The following LEKR1 variants were observed in gnomAD, a reference collection of about 807,000 sequenced individuals.
LEKR1 encodes leucine, glutamate and lysine rich 1.
LEKR1 carries 59 observed loss-of-function variants against 72.4 expected under a neutral mutation model. The ratio of observed to expected loss-of-function variants is 0.82; its 90% CI spans 0.66 to 1.01. The LOEUF is 1.01. LEKR1 is among the 50% of genes least tolerant of loss of function. The pLI is 0.00. For missense variants in LEKR1, 728 were observed against 759.2 expected (o/e 0.96, Z 0.48); for synonymous variants, 257 against 263.2 (o/e 0.98, Z 0.23).
intron 9 of LEKR1, among the ~76,000 whole-genome samples, chr3:157,008,151 A>T (rs905733362): frequency 6.6e-6 from 1 of 152,206 alleles, no homozygotes; most frequent in Non-Finnish European, 1.5e-5. Context: ...TCACACGTTA[A>T]TAGATCTCCC....
intron 2 of LEKR1, among the ~76,000 whole-genome samples, chr3:156,847,007 G>C (rs1006262230): frequency 6.6e-6 from 1 of 151,948 alleles, no homozygotes; most frequent in African/African-American, 2.4e-5. Flanking sequence ...GTAGAAATAA[G>C]GTCTCACCGT....
intron 9 of LEKR1, among the ~76,000 whole-genome samples, chr3:157,004,182 G>T (rs1732230197): frequency 1.3e-5 from 2 of 152,020 alleles, no homozygotes; most frequent in African/African-American, 4.8e-5. Context: ...AAGCTGTAAT[G>T]GCTTTACAAA....
chr3:156,860,790 T>C (rs918669618), intron 3 of LEKR1, among the ~76,000 whole-genome samples: 13 of 152,110 alleles, frequency 8.5e-5, no homozygotes. Flanking sequence ...GAAGAAAGGG[T>C]ATGGGCAGCT....
At chr3:156,999,705 G>A (rs1335169347) in intron 9 of LEKR1, among the ~76,000 whole-genome samples, 4 of 152,128 alleles carry the variant, frequency 2.6e-5, no homozygotes, top group Admixed American at 2.0e-4. Context: ...TCCCTCAGAC[G>A]GAGGGAGCGC....
At chr3:156,993,768 G>T (rs1731327430) in intron 9 of LEKR1, among the ~76,000 whole-genome samples, 4 of 152,178 alleles carry the variant, frequency 2.6e-5, no homozygotes, top group Non-Finnish European at 5.9e-5. Flanking sequence ...AGGATACTAA[G>T]AAGTACATTG....
chr3:156,933,834 C>G (rs1363223208), intron 5 of LEKR1, among the ~76,000 whole-genome samples: 2 of 152,112 alleles, frequency 1.3e-5, no homozygotes, highest in Non-Finnish European at 2.9e-5. Context: ...AAATAACAAA[C>G]AAGGAGACAC....
chr3:156,928,942 A>G (rs1724968309), intron 5 of LEKR1, among the ~76,000 whole-genome samples: 1 of 152,098 alleles, frequency 6.6e-6, no homozygotes. Context: ...TTCAGTATAC[A>G]ATCCAAAATT....
intron 2 of LEKR1, among the ~76,000 whole-genome samples, chr3:156,848,634 A>G (rs1355148894): frequency 6.6e-6 from 1 of 152,214 alleles, no homozygotes; most frequent in Non-Finnish European, 1.5e-5. Flanking sequence ...TAATTTAATG[A>G]TCAGATTAAG....
At chr3:156,975,131 A>C (rs1268418466) in intron 6 of LEKR1, among the ~76,000 whole-genome samples, 1 of 152,198 alleles carries the variant, frequency 6.6e-6, no homozygotes, top group Non-Finnish European at 1.5e-5. Context: ...AACTGGAGTT[A>C]ACAGTTAACA....
At chr3:156,997,111 G>A (rs1731643952) in intron 9 of LEKR1, among the ~76,000 whole-genome samples, 4 of 149,678 alleles carry the variant, frequency 2.7e-5, no homozygotes, top group Admixed American at 2.7e-4. Flanking sequence ...GCCTTCAGAA[G>A]CTTTTGACAT....
At chr3:156,877,070 T>C (rs1266341961) in intron 3 of LEKR1, among the ~76,000 whole-genome samples, 2 of 152,170 alleles carry the variant, frequency 1.3e-5, no homozygotes, top group African/African-American at 2.4e-5. Flanking sequence ...TCTGCACCTA[T>C]TGAGATGATC....
Position 156,852,967 on chromosome 3 carries a change from A to C in LEKR1, c.248A>C (p.Lys83Thr). 6.5e-7 allele frequency: 1 copy of C among 1,533,366 alleles called. No individual in the cohort carries two copies. Among genetic ancestry groups the C allele is most frequent in the Non-Finnish European group, 8.7e-7 (1 of 1,144,188 alleles). The allele number at this position is 1,533,366 out of a possible 1,614,324, so 95.0% of individuals were successfully genotyped here. A position where few individuals can be genotyped will look rare whatever the true frequency, so the allele number is the denominator to read the frequency against. ...CTTGAACAGTACAAAATTGACAACAAATCCAAAACAGAAAGGTTGAGTATG... is the reference window on the plus strand; with the variant it reads ...CTTGAACAGTACAAAATTGACAACACATCCAAAACAGAAAGGTTGAGTATG... ...QELEQYKIDN[K>T]SKTERIYDVG... Residue 83 changes from lysine to threonine, a missense_variant, in exon 3 of 13, where the codon AAA (lysine) becomes ACA (threonine). Lys to Thr is a moderately conservative substitution (Grantham distance 78). Transcript: ENST00000356539.
At chr3:157,001,420 G>C (rs948610004) in intron 9 of LEKR1, among the ~76,000 whole-genome samples, 1 of 152,114 alleles carries the variant, frequency 6.6e-6, no homozygotes, top group Non-Finnish European at 1.5e-5. Context: ...AACAACTTGT[G>C]AAACAGAATT....
intron 10 of LEKR1, among the ~76,000 whole-genome samples, chr3:157,020,456 G>T (rs966494084): frequency 8.9e-6 from 1 of 112,738 alleles, no homozygotes; most frequent in African/African-American, 3.5e-5. Context: ...AGTCCCCAGA[G>T]TGTGATGTTC....
chr3:156,957,263 T>G (rs1036239662), intron 6 of LEKR1, among the ~76,000 whole-genome samples: 2 of 152,018 alleles, frequency 1.3e-5, no homozygotes, highest in African/African-American at 4.8e-5. Flanking sequence ...CATAGAAACA[T>G]GCTTATGATT....
chr3:156,850,147 A>G lies in LEKR1; in HGVS notation c.49-2621A>G, dbSNP rs928282466. ...AGAAGACATTTATGCAGCCAAAAAAACACGTGAAAAAATGCTCATCATCAC... is the reference window on the plus strand; with the variant it reads ...AGAAGACATTTATGCAGCCAAAAAAGCACGTGAAAAAATGCTCATCATCAC... On this transcript the variant is annotated intron_variant, in intron 2 of 12. Transcript: ENST00000356539. Among the ~76,000 whole-genome samples, 3 of 152,242 alleles carry G rather than the reference A, an allele frequency of 2.0e-5. 1 individual carries two copies. The South Asian group carries it at 6.2e-4, about 32-fold the overall frequency.
rs116474350 is a variant in LEKR1, at chr3:157,023,453, G to A, written c.1204-1307G>A. Among the ~76,000 whole-genome samples, 603 of 152,312 alleles carry A rather than the reference G, an allele frequency of 4.0e-3. 2 individuals are homozygous for A. The highest frequency in any genetic ancestry group is 0.013 in the African/African-American group (541 of 41,568). On this transcript the variant is annotated intron_variant, in intron 10 of 12. Coordinates refer to ENST00000356539, the MANE Select transcript of LEKR1 (RefSeq NM_001004316.3). ...AATGGAAATGCCTTCTGGGGAAGGAGTGAGTTATGGTTTCTGGAGGTGTGA... is the reference window on the plus strand; with the variant it reads ...AATGGAAATGCCTTCTGGGGAAGGAATGAGTTATGGTTTCTGGAGGTGTGA...
intron 5 of LEKR1, among the ~76,000 whole-genome samples, chr3:156,928,307 A>G (rs936953601): frequency 1.3e-5 from 2 of 152,060 alleles, no homozygotes; most frequent in African/African-American, 4.8e-5. Flanking sequence ...GGTAGTAATA[A>G]TAATGTTGAT....
chr3:156,854,401 C>T (rs1431785077), intron 3 of LEKR1, among the ~76,000 whole-genome samples: 4 of 152,098 alleles, frequency 2.6e-5, no homozygotes, highest in Admixed American at 1.3e-4. Context: ...CCACCTGGGC[C>T]TCCCAAACTG....
Sources: gnomAD v4.1 joint callset for allele counts (sites outside exome capture counted in the v4.1 genomes callset) on GRCh38, gnomAD v4.1.1 for gene constraint, MANE v1.5 for transcripts, NCBI Gene and HGNC (gene_info 2026-07-23, HGNC 2026-07-21) for gene names.